The following SGCZ variants were observed in gnomAD, a reference collection of about 807,000 sequenced individuals.
SGCZ encodes the protein zeta-sarcoglycan.
Under a neutral mutation model 41.3 loss-of-function variants are expected in SGCZ, and 40 were observed. The observed-to-expected ratio is 0.97, with a 90% confidence interval of 0.75 to 1.26. The LOEUF (loss-of-function observed/expected upper bound fraction) is 1.26, where lower values mean the gene tolerates loss of function less well. Among genes scored for constraint, SGCZ ranks in the 50% most tolerant of loss-of-function variants. The probability of loss-of-function intolerance (pLI) is 0.00; values close to 1 mark genes in which losing one functional copy is unlikely to be tolerated. For synonymous variants in SGCZ, 206 were observed against 137.5 expected, an observed-to-expected ratio of 1.50 and a Z score of -3.49; for missense variants, 552 against 369.8, an observed-to-expected ratio of 1.49 and a Z score of -4.04.
chr8:14,619,259 T>A (rs1806205856), intron 1 of SGCZ, among the ~76,000 whole-genome samples: 2 of 152,130 alleles, frequency 1.3e-5, no homozygotes, highest in African/African-American at 2.4e-5. Flanking sequence ...CTAAAAACTC[T>A]CAATAAATTA....
At chr8:15,059,172 C>G (rs1049666693) in intron 1 of SGCZ, among the ~76,000 whole-genome samples, 5 of 152,092 alleles carry the variant, frequency 3.3e-5, no homozygotes, top group Non-Finnish European at 5.9e-5. Context: ...CAATTATACT[C>G]TTTCAGTATA....
intron 1 of SGCZ, among the ~76,000 whole-genome samples, chr8:15,117,292 G>C (rs889694305): frequency 1.3e-5 from 2 of 151,880 alleles, no homozygotes; most frequent in African/African-American, 4.8e-5. Context: ...CTGGGAGGGG[G>C]AGCTCGCGGT....
intron 2 of SGCZ, among the ~76,000 whole-genome samples, chr8:14,389,458 C>G (rs1804683160): frequency 1.4e-5 from 2 of 147,578 alleles, no homozygotes; most frequent in Admixed American, 1.4e-4. Context: ...AAGAGAAAAT[C>G]ACAAACTAAC....
At chr8:14,468,981 G>A (rs1801131768) in intron 2 of SGCZ, among the ~76,000 whole-genome samples, 1 of 151,962 alleles carries the variant, frequency 6.6e-6, no homozygotes, top group South Asian at 2.1e-4. Flanking sequence ...ATCCTGCCTT[G>A]TTTCCACTAT....
chr8:14,353,785 T>A (rs1472947636), intron 2 of SGCZ, among the ~76,000 whole-genome samples: 4 of 152,208 alleles, frequency 2.6e-5, no homozygotes, highest in Non-Finnish European at 5.9e-5. Context: ...GTTTAAAATC[T>A]TTAAAATGTT....
At chr8:15,227,400 A>G (rs1330330215) in intron 1 of SGCZ, among the ~76,000 whole-genome samples, 1 of 152,214 alleles carries the variant, frequency 6.6e-6, no homozygotes, top group Non-Finnish European at 1.5e-5. Context: ...TAATAATTCA[A>G]TCATGCACAT....
At chr8:14,430,909 G>A (rs1031749813) in intron 2 of SGCZ, among the ~76,000 whole-genome samples, 1 of 152,140 alleles carries the variant, frequency 6.6e-6, no homozygotes, top group African/African-American at 2.4e-5. Flanking sequence ...CAGCGACCAA[G>A]CTGAGAATCA....
intron 1 of SGCZ, among the ~76,000 whole-genome samples, chr8:14,950,841 A>C (rs1195503476): frequency 6.6e-6 from 1 of 152,046 alleles, no homozygotes; most frequent in Non-Finnish European, 1.5e-5. Flanking sequence ...AAGTCTAATC[A>C]AAAATGTAAA....
intron 1 of SGCZ, among the ~76,000 whole-genome samples, chr8:14,647,364 G>T (rs1807255815): frequency 6.6e-6 from 1 of 151,842 alleles, no homozygotes; most frequent in Admixed American, 6.6e-5. Context: ...CAATATAAAA[G>T]GACATACATT....
intron 2 of SGCZ, among the ~76,000 whole-genome samples, chr8:14,355,901 TG>T (rs1249695756): frequency 3.3e-5 from 5 of 152,170 alleles, no homozygotes; most frequent in Admixed American, 6.5e-5. Flanking sequence ...AATTGTATAT[TG>T]ATGTTCCTCC....
intron 1 of SGCZ, among the ~76,000 whole-genome samples, chr8:15,168,473 C>T (rs1799729341): frequency 6.6e-6 from 1 of 152,172 alleles, no homozygotes; most frequent in African/African-American, 2.4e-5. Flanking sequence ...CCCCCACAAC[C>T]CAACCCTTGC....
At chr8:14,667,325 T>C (rs1357375489) in intron 1 of SGCZ, among the ~76,000 whole-genome samples, 1 of 152,124 alleles carries the variant, frequency 6.6e-6, no homozygotes, top group Non-Finnish European at 1.5e-5. Context: ...GATGAATAAA[T>C]TGAACTCATA....
At chr8:14,844,153 A>G (rs1803020070) in intron 1 of SGCZ, among the ~76,000 whole-genome samples, 1 of 152,074 alleles carries the variant, frequency 6.6e-6, no homozygotes, top group South Asian at 2.1e-4. Flanking sequence ...AGTTTCTCAT[A>G]TAAAATGGCA....
chr8:14,660,880 T>C (rs933030695), intron 1 of SGCZ, among the ~76,000 whole-genome samples: 1 of 152,180 alleles, frequency 6.6e-6, no homozygotes, highest in Non-Finnish European at 1.5e-5. Context: ...TGAACTTTTA[T>C]ATAGAGGTCT....
intron 4 of SGCZ, among the ~76,000 whole-genome samples, chr8:14,211,009 C>G (rs545772066): frequency 1.2e-3 from 190 of 152,264 alleles, no homozygotes; most frequent in Non-Finnish European, 2.3e-3. Flanking sequence ...TTATTAGCAA[C>G]AACAACAAAT....
chr8:14,773,529 C>A (rs570127748), intron 1 of SGCZ, among the ~76,000 whole-genome samples: 1 of 152,304 alleles, frequency 6.6e-6, no homozygotes, highest in Admixed American at 6.5e-5. Context: ...CTACTTTCTC[C>A]CATTCTGGGG....
chr8:14,815,196 T>A (rs1046372374), intron 1 of SGCZ, among the ~76,000 whole-genome samples: 10 of 152,156 alleles, frequency 6.6e-5, no homozygotes, highest in African/African-American at 2.2e-4. Flanking sequence ...ACTGCTGAAA[T>A]TTTTCTGCAG....
At chr8:14,846,488 A>C (rs1462810232) in intron 1 of SGCZ, among the ~76,000 whole-genome samples, 1 of 152,116 alleles carries the variant, frequency 6.6e-6, no homozygotes, top group East Asian at 1.9e-4. Context: ...GAAATGAGAA[A>C]AGTCACATCA....
At chr8:14,579,989 G>A (rs17309528) in intron 1 of SGCZ, among the ~76,000 whole-genome samples, 32,361 of 152,104 alleles carry the variant, frequency 0.21, 4,003 homozygotes, top group Non-Finnish European at 0.28. Context: ...GATTTAAGGA[G>A]CAGTTAACCA....
Sources: allele counts gnomAD v4.1 joint callset (sites outside exome capture counted in the v4.1 genomes callset), GRCh38; gene constraint gnomAD v4.1.1; transcripts MANE v1.5; gene names NCBI Gene and HGNC (gene_info 2026-07-23, HGNC 2026-07-21).